ANO9: variants seen among roughly 807,000 people sequenced by gnomAD.
ANO9 encodes anoctamin-9.
In ANO9, 80 loss-of-function variants were observed where a neutral mutation model predicts 100.5. The ratio of observed to expected loss-of-function variants is 0.80; its 90% CI spans 0.66 to 0.96. The LOEUF (loss-of-function observed/expected upper bound fraction) is 0.96. Ranked by LOEUF, ANO9 falls within the 40% of genes least tolerant of loss-of-function variation. ANO9 has a pLI of 0.00. For missense variants in ANO9, 1,064 were observed against 1,072.7 expected (o/e 0.99, Z 0.11); for synonymous variants, 473 against 435.6 (o/e 1.09, Z -1.07).
chr11:431,450 T>G (rs1374454554), intron 7 of ANO9, among the ~76,000 whole-genome samples: 2 of 52,422 alleles, frequency 3.8e-5, no homozygotes, highest in African/African-American at 8.4e-5. Context: ...TGCGGGGGTG[T>G]GGGGGCTCCC....
intron 15 of ANO9, among the ~76,000 whole-genome samples, chr11:425,377 G>A (rs535076470): frequency 6.6e-6 from 1 of 151,782 alleles, no homozygotes; most frequent in Non-Finnish European, 1.5e-5. Flanking sequence ...GGATACAATT[G>A]ATAAAGACAT....
chr11:429,383 A>G, intron 11 of ANO9, 187 bp downstream of exon 11: 1 of 1,361,804 alleles, frequency 7.3e-7, no homozygotes, highest in Non-Finnish European at 9.8e-7. Context: ...CTCACCCCAC[A>G]CGTGGGGAGA....
chr11:426,846 G>T (rs1212025926), intron 15 of ANO9, among the ~76,000 whole-genome samples: 3 of 152,176 alleles, frequency 2.0e-5, no homozygotes, highest in Non-Finnish European at 4.4e-5. Flanking sequence ...CCCTCAGGAG[G>T]ACTAGAAGCT....
rs1848131351 is a variant in ANO9 at position 420,808 on chromosome 11, G to A, written c.1543C>T (p.Pro515Ser). Residue 515 changes from proline (P) to serine (S), a missense_variant, in exon 18 of 23, where the codon CCC (proline) becomes TCC (serine). Transcript: ENST00000332826. ...CAGTCCCTGAGCTCGGGGTCCCGGGGCAGGTGCCCGGACTCGGAGGCCCGC... is the reference window on the plus strand; with the variant it reads ...CAGTCCCTGAGCTCGGGGTCCCGGGACAGGTGCCCGGACTCGGAGGCCCGC... ...SLRASESGHL[P>S]RDPELRDWRR... 1.9e-6 allele frequency: 3 copies of A among 1,594,782 alleles called. No individual in the cohort carries two copies. The highest frequency in any genetic ancestry group is 2.7e-5 in the African/African-American group (2 of 74,726).
rs1050364306 is a variant in ANO9, at chr11:418,225, A to C, written c.*146T>G. The C allele has an allele frequency of 6.2e-6, 5 of 807,560 alleles. No individual in the cohort carries two copies. In the African/African-American group the frequency reaches 8.7e-5, roughly 14 times the overall value. The allele number at this position is 807,560 out of a possible 1,614,324, so 50.0% of individuals were successfully genotyped here. ...CAGGCGGAATAGGGTGGCAGCTCAC[A>C]GCCCTGAACATACAGGGGATTCCTG... is the stretch of plus-strand genomic sequence containing the variant. On this transcript the variant is annotated 3_prime_UTR_variant, in exon 23 of 23. Coordinates refer to ENST00000332826, the MANE Select transcript of ANO9 (RefSeq NM_001012302.3).
At chr11:419,292 C>T (rs1310788347) in intron 20 of ANO9, 16 of 1,408,718 alleles carry the variant, frequency 1.1e-5, no homozygotes, top group East Asian at 7.8e-5. Context: ...AGAGGACATG[C>T]GGAACCTCAC....
chr11:434,375 A>G (rs1490182019), intron 1 of ANO9, among the ~76,000 whole-genome samples: 2 of 152,190 alleles, frequency 1.3e-5, no homozygotes, highest in East Asian at 1.9e-4. Context: ...GATTGCACAG[A>G]AGAGGAGCAC....
chr11:427,538 C>G (rs1240349762), intron 15 of ANO9, among the ~76,000 whole-genome samples: 14 of 151,714 alleles, frequency 9.2e-5, no homozygotes, highest in Non-Finnish European at 1.6e-4. Context: ...TCGAAACCAG[C>G]CTGGGTAACA....
intron 1 of ANO9, 151 bp from the exon 2 acceptor site, chr11:434,249 C>T (rs899182809): frequency 2.8e-5 from 27 of 959,472 alleles, no homozygotes; most frequent in East Asian, 2.4e-4. Context: ...TGGCTGTAGG[C>T]GGGTGACAGG....
At position 430,131 on chromosome 11, in the gene ANO9, G is replaced by T; in HGVS notation, c.723C>A (p.Asp241Glu). 6.4e-7 allele frequency: 1 copy of T among 1,553,612 alleles called. No individual in the cohort carries two copies. The highest frequency in any genetic ancestry group is 1.9e-5 in the Admixed American group (1 of 51,776). Residue 241 changes from aspartate (D) to glutamate (E), a missense_variant, in exon 9 of 23, where the codon GAC (aspartate) becomes GAA (glutamate). Physicochemically the swap from Asp to Glu is conservative, Grantham distance 45 (BLOSUM62 2). Transcript: ENST00000332826. ...AGAGCCGCTGGTACCTGCGGCTGTGGTCGCCGAGGGGACACATGAGGATGT... is the reference window on the plus strand; with the variant it reads ...AGAGCCGCTGGTACCTGCGGCTGTGTTCGCCGAGGGGACACATGAGGATGT... Reference protein sequence around the residue: ...AHDILMCPLGDHSRRYQRLSE... With the variant: ...AHDILMCPLGEHSRRYQRLSE...
chr11:418,530 C>T lies in ANO9; in HGVS notation c.2190G>A (p.Ser730=), dbSNP rs369737399. The T allele has an allele frequency of 3.3e-5, 53 of 1,613,026 alleles. No homozygotes were observed. Among genetic ancestry groups the T allele is most frequent in the Middle Eastern group, 1.6e-4 (1 of 6,084 alleles). ...TCACCTCCAGAACCTTGTTCTTCAC[C>T]GACTGAGGGATGTCGGGCACGAACC... is the stretch of plus-strand genomic sequence containing the variant. ...AAWFVPDIPQ[S]VKNKVLEVKY... The change falls in exon 23 of 23, where the codon TCG becomes TCA. Residue 730 remains serine, a synonymous_variant. Coordinates refer to ENST00000332826, the MANE Select transcript of ANO9 (RefSeq NM_001012302.3).
At chr11:441,121 C>T (rs565974509) in intron 1 of ANO9, among the ~76,000 whole-genome samples, 1 of 152,274 alleles carries the variant, frequency 6.6e-6, no homozygotes, top group East Asian at 1.9e-4. Context: ...GAGCCCTGGG[C>T]GGAGATGGAG....
Position 441,960 on chromosome 11 carries a change from G to C in ANO9, c.-34C>G. 1 of 1,602,938 alleles carries C rather than the reference G, an allele frequency of 6.2e-7. No individual in the cohort carries two copies. Among genetic ancestry groups the C allele is most frequent in the South Asian group, 1.1e-5 (1 of 90,090 alleles). ...TGGCCGGAGTTCCAGCTGGGGTTTG[G>C]CGGCCAGGAGAGTGGCTGCCAGCGG... On this transcript the variant is annotated 5_prime_UTR_variant, in exon 1 of 23. Transcript: ENST00000332826.
In ANO9 at chr11:433,431, A is replaced by T; in HGVS notation, c.233T>A (p.Phe78Tyr). 2 of 1,613,214 alleles carry T rather than the reference A, an allele frequency of 1.2e-6. No individual in the cohort carries two copies. Among genetic ancestry groups the T allele is most frequent in the Non-Finnish European group, 1.7e-6 (2 of 1,179,862 alleles). The change falls in exon 4 of 23, where the codon TTT becomes TAT. Residue 78 changes from phenylalanine to tyrosine, a missense_variant. Phe to Tyr is a conservative substitution (Grantham distance 22). Coordinates refer to ENST00000332826, the MANE Select transcript of ANO9 (RefSeq NM_001012302.3). ...GACACTGTTGTCAGCACGGATCCCA[A>T]AGAAGACCTGTTTCTGGTCCCGGAT... ...KVIRDQKQVF[F>Y]GIRADNSVFG...
chr11:439,479 G>C (rs987704258), intron 1 of ANO9, among the ~76,000 whole-genome samples: 2 of 134,574 alleles, frequency 1.5e-5, no homozygotes, highest in Non-Finnish European at 3.1e-5. Context: ...GCCTGGCCAG[G>C]GGGTCCCATG....
rs1564927792 is a variant in ANO9, at chr11:433,476, T to TCCTCTATCCCGCCTCAGAACCCTCCCC, written c.205-18_205-17insGGGGAGGGTTCTGAGGCGGGATAGAGG. Reference sequence around the variant, plus strand: ...CCGGATCACCTGGGGGCACATGGGATCCTCTATCCCACCTCAGAACCCTCC... The same window carrying TCCTCTATCCCGCCTCAGAACCCTCCCC: ...CCGGATCACCTGGGGGCACATGGGATCCTCTATCCCGCCTCAGAACCCTCCCCCCTCTATCCCACCTCAGAACCCTCC... On this transcript the variant is annotated splice_polypyrimidine_tract_variant and intron_variant, in intron 3 of 22. Transcript: ENST00000332826. 1 of 1,609,968 alleles carries TCCTCTATCCCGCCTCAGAACCCTCCCC rather than the reference T, an allele frequency of 6.2e-7. No homozygotes were observed. The highest frequency in any genetic ancestry group is 1.7e-5 in the Admixed American group (1 of 59,836).
chr11:436,712 G>A (rs1590530434), intron 1 of ANO9, among the ~76,000 whole-genome samples: 1 of 75,956 alleles, frequency 1.3e-5, no homozygotes, highest in Non-Finnish European at 2.8e-5. Flanking sequence ...TAAGCAGGGG[G>A]TGAGCAGGGG....
At chr11:437,887 A>C (rs188217429) in intron 1 of ANO9, among the ~76,000 whole-genome samples, 2 of 152,306 alleles carry the variant, frequency 1.3e-5, no homozygotes, top group East Asian at 3.9e-4. Context: ...CTGAAATTAG[A>C]GACCCCCTCA....
rs765377603 is a variant in ANO9, at chr11:422,053, T to C, written c.1335-855A>G. ...TGGATAAATCAATCGAGTGCTCAAGTGGATACAAAACGAGCATCCAGCAGA... is the reference window on the plus strand; with the variant it reads ...TGGATAAATCAATCGAGTGCTCAAGCGGATACAAAACGAGCATCCAGCAGA... On this transcript the variant is annotated intron_variant, in intron 15 of 22. Transcript: ENST00000332826. The surrounding 1 kb of genome is among the most constrained non-coding windows in gnomAD (Gnocchi z 4.3). 1.4e-4 allele frequency among the ~76,000 whole-genome samples: 21 copies of C among 152,350 alleles called. No homozygotes were observed. The highest frequency in any genetic ancestry group is 5.2e-4 in the Admixed American group (8 of 15,296).
Sources: gnomAD v4.1 joint callset for allele counts (sites outside exome capture counted in the v4.1 genomes callset) on GRCh38, gnomAD v4.1.1 for gene constraint, Gnocchi (gnomAD v3.1) non-coding constraint, MANE v1.5 for transcripts, NCBI Gene and HGNC (gene_info 2026-07-23, HGNC 2026-07-21) for gene names.